PRAMEF11: variants seen among roughly 807,000 people sequenced by gnomAD.
The protein encoded by PRAMEF11 is PRAME family member 11.
A neutral mutation model predicts 33.6 loss-of-function variants in PRAMEF11; 17 were observed. The observed-to-expected ratio is 0.51, with a 90% CI of 0.35 to 0.76. The LOEUF is 0.76. PRAMEF11 is among the 30% of genes least tolerant of loss of function. PRAMEF11 has a pLI of 0.01. For missense variants in PRAMEF11, 568 were observed against 567.0 expected, an observed-to-expected ratio of 1.00 and a Z score of -0.02; for synonymous variants, 205 against 227.3, an observed-to-expected ratio of 0.90 and a Z score of 0.88.
rs553779461 is a variant in PRAMEF11, at chr1:12,828,746, G to C, written c.44C>G (p.Ala15Gly). The change falls in exon 2 of 4, where the codon GCG (alanine) becomes GGG (glycine). Residue 15 changes from alanine to glycine, a missense_variant. Ala to Gly is a moderately conservative substitution (Grantham distance 60). This residue lies in a region of PRAMEF11 where 342 missense variants were observed against 312.0 expected (regional missense o/e 1.10). Transcript: ENST00000619922. ...IRIPPRLLEL[A>G]GRSLLRDQAL... Reference sequence around the variant, plus strand: ...TTGGTCCCTCAGCAGGCTCCGCCCCGCAAGCTCCAGGAGTCTGGGTGGAAT... The same window carrying C: ...TTGGTCCCTCAGCAGGCTCCGCCCCCCAAGCTCCAGGAGTCTGGGTGGAAT... 3 of 1,604,606 alleles carry C rather than the reference G, an allele frequency of 1.9e-6. No homozygotes were observed. Among genetic ancestry groups the C allele is most frequent in the Non-Finnish European group, 2.6e-6 (3 of 1,175,000 alleles).
At chr1:12,826,522 G>A (rs1284351334) in intron 3 of PRAMEF11, among the ~76,000 whole-genome samples, 1 of 151,198 alleles carries the variant, frequency 6.6e-6, no homozygotes, top group Non-Finnish European at 1.5e-5. Flanking sequence ...AGCACTTTGG[G>A]AGTCCAAGGT....
Position 12,827,242 on chromosome 1 carries a change from C to T in PRAMEF11, c.875+7G>A, listed in dbSNP as rs557357619. ...GTCTGCAGAGAAAGCTCACCACCCT[C>T]CCTCACCTGAGCAGCTGGTCCAGGT... On this transcript the variant is annotated splice_region_variant and intron_variant, in intron 3 of 3. Coordinates refer to ENST00000619922, the MANE Select transcript of PRAMEF11 (RefSeq NM_001146344.3). 25 of 1,593,492 alleles carry T rather than the reference C, an allele frequency of 1.6e-5. No individual in the cohort carries two copies. The highest frequency in any genetic ancestry group is 4.5e-5 in the East Asian group (2 of 44,550).
Position 12,828,666 on chromosome 1 carries a change from A to C in PRAMEF11, c.124T>G (p.Phe42Val). 1.2e-6 allele frequency: 2 copies of C among 1,608,368 alleles called. No homozygotes were observed. The highest frequency in any genetic ancestry group is 1.7e-6 in the Non-Finnish European group (2 of 1,176,856). ...CGTCTCCTGCTGAAGGCCTCCATGA[A>C]CAGTGGGGGGAAAAGTTCCGTGGGC... ...ELPTELFPPL[F>V]MEAFSRRRCE... Residue 42 changes from phenylalanine to valine, a missense_variant, in exon 2 of 4, where the codon TTC (phenylalanine) becomes GTC (valine). Transcript: ENST00000619922.
At chr1:12,828,354 C>T (rs999452254) in intron 2 of PRAMEF11, 143 bp downstream of exon 2, 3 of 1,409,458 alleles carry the variant, frequency 2.1e-6, no homozygotes, top group African/African-American at 3.0e-5. Context: ...GCAGTGCTTT[C>T]CCTGAGGAGC....
chr1:12,828,366 G>A (rs1355907135), intron 2 of PRAMEF11, 131 bp downstream of exon 2: 2 of 1,418,666 alleles, frequency 1.4e-6, no homozygotes, highest in African/African-American at 1.5e-5. Flanking sequence ...CTGAGGAGCT[G>A]GTGAATGGCC....
chr1:12,829,050 T>C (rs1405856581), intron 1 of PRAMEF11, among the ~76,000 whole-genome samples: 4 of 151,516 alleles, frequency 2.6e-5, no homozygotes, highest in Non-Finnish European at 5.9e-5. Flanking sequence ...CAGTGCTCCA[T>C]CCAGTGACTA....
Position 12,824,815 on chromosome 1 carries a change from C to G in PRAMEF11, c.*127G>C. On this transcript the variant is annotated 3_prime_UTR_variant, in exon 4 of 4. Transcript: ENST00000619922. ...CCCTGCTTGATCAGCTTTCCTTTCC[C>G]ACTTTCAGAGCCCATGTGTGAAACG... The G allele has an allele frequency of 7.0e-7, 1 of 1,429,214 alleles. No individual in the cohort carries two copies. Among genetic ancestry groups the G allele is most frequent in the Non-Finnish European group, 9.5e-7 (1 of 1,048,494 alleles). The allele number at this position is 1,429,214 out of a possible 1,614,324, so 88.5% of individuals were successfully genotyped here. A position where few individuals can be genotyped will look rare whatever the true frequency, so the allele number is the denominator to read the frequency against.
rs1639833354 is a variant in PRAMEF11, at chr1:12,825,226, A to C, written c.1153T>G (p.Phe385Val). 1 of 1,607,172 alleles carries C rather than the reference A, an allele frequency of 6.2e-7. No homozygotes were observed. Among genetic ancestry groups the C allele is most frequent in the Non-Finnish European group, 8.5e-7 (1 of 1,177,488 alleles). ...CAGATGGGATTTCCACAGAAGCTGA[A>C]GGTGTTGAGCTCAAAGCAGCGGCTC... Reference protein sequence around the residue: ...ALSRCFELNTFSFCGNPICMA... With the variant: ...ALSRCFELNTVSFCGNPICMA... Residue 385 changes from phenylalanine (F) to valine (V), a missense_variant, in exon 4 of 4, where the codon TTC (phenylalanine) becomes GTC (valine). Transcript: ENST00000619922.
At chr1:12,829,858 C>G (rs1028482010) in intron 1 of PRAMEF11, among the ~76,000 whole-genome samples, 3 of 151,198 alleles carry the variant, frequency 2.0e-5, no homozygotes, top group Admixed American at 1.3e-4. Flanking sequence ...GGGAAATAGG[C>G]TAGATTGAAC....
rs1639826304 is a variant in PRAMEF11 at position 12,825,049 on chromosome 1, C to G, written c.1330G>C (p.Val444Leu). ...CTCTTGGGGTGCCTTAAGTGCCTCA[C>G]TTTCTTCATCAGCTCAGCCCTAATT... ...AQIRAELMKK[V>L]RHLRHPKRIL... Residue 444 changes from valine (V) to leucine (L), a missense_variant, in exon 4 of 4, where the codon GTG (valine) becomes CTG (leucine). By Grantham distance (32) the Val-to-Leu change is conservative. This residue lies in a region of PRAMEF11 where 174 missense variants were observed against 127.2 expected (regional missense o/e 1.37). Coordinates refer to ENST00000619922, the MANE Select transcript of PRAMEF11 (RefSeq NM_001146344.3). 1 of 1,609,816 alleles carries G rather than the reference C, an allele frequency of 6.2e-7. No individual in the cohort carries two copies. The highest frequency in any genetic ancestry group is 1.1e-5 in the South Asian group (1 of 90,484).
chr1:12,825,970 T>A (rs61777002), intron 3 of PRAMEF11, among the ~76,000 whole-genome samples: 1 of 123,252 alleles, frequency 8.1e-6, no homozygotes, highest in Admixed American at 8.1e-5. Flanking sequence ...TGATACTCTA[T>A]TAAAAAAAAA....
Position 12,824,861 on chromosome 1 carries a change from A to G in PRAMEF11, c.*81T>C. 6.4e-7 allele frequency: 1 copy of G among 1,565,430 alleles called. No homozygotes were observed. The highest frequency in any genetic ancestry group is 8.7e-7 in the Non-Finnish European group (1 of 1,146,508). On this transcript the variant is annotated 3_prime_UTR_variant, in exon 4 of 4. Transcript: ENST00000619922. The stretch of plus-strand genomic sequence containing the variant: ...AAACGATGGGTTCTGTGCTCCCTTT[A>G]GGATGTACCTAAGACCTAGGTTTTA...
rs992799151 is a variant in PRAMEF11, at chr1:12,828,159, T to C, written c.294-329A>G. Among the ~76,000 whole-genome samples, 39 of 148,620 alleles carry C rather than the reference T, an allele frequency of 2.6e-4. 1 individual carries two copies. Among genetic ancestry groups the C allele is most frequent in the Admixed American group, 5.4e-4 (8 of 14,752 alleles). ...CACCACCATGCCCAGCTAATTTTAG[T>C]ATTTTTAGTAGAGTTGGGGTTTACC... On this transcript the variant is annotated intron_variant, in intron 2 of 3. Transcript: ENST00000619922.
Position 12,824,663 on chromosome 1 carries a change from G to A in PRAMEF11, c.*279C>T. 3 of 451,262 alleles carry A rather than the reference G, an allele frequency of 6.6e-6. No individual in the cohort carries two copies. Among genetic ancestry groups the A allele is most frequent in the Non-Finnish European group, 1.2e-5 (3 of 250,042 alleles). 28.0% of individuals were successfully genotyped at this position (451,262 alleles called of 1,614,324 possible). A position where few individuals can be genotyped will look rare whatever the true frequency, so the allele number is the denominator to read the frequency against. ...TTTCTTTACAACCATCCATGCAAGA[G>A]TAACTCCCTCATGTATTCTCAAGCC... On this transcript the variant is annotated 3_prime_UTR_variant, in exon 4 of 4. Coordinates refer to ENST00000619922, the MANE Select transcript of PRAMEF11 (RefSeq NM_001146344.3).
In PRAMEF11 at chr1:12,826,183, A is replaced by G. The variant is rs4989856; in HGVS notation, c.876-680T>C. 3.2e-3 allele frequency among the ~76,000 whole-genome samples: 473 copies of G among 147,146 alleles called. 7 individuals are homozygous for G. Among genetic ancestry groups the G allele is most frequent in the Middle Eastern group, 6.9e-3 (2 of 288 alleles). ...TCCTGCAACATCAGCTGGGGTGGGCAGGCTGCAGGCGTCCCTGACACACCT... is the reference window on the plus strand; with the variant it reads ...TCCTGCAACATCAGCTGGGGTGGGCGGGCTGCAGGCGTCCCTGACACACCT... On this transcript the variant is annotated intron_variant, in intron 3 of 3. Transcript: ENST00000619922.
At position 12,825,044 on chromosome 1, in the gene PRAMEF11, C is replaced by A. The variant is rs1398067073; in HGVS notation, c.1335G>T (p.Arg445Ser). ...QIRAELMKKV[R>S]HLRHPKRILF... The stretch of plus-strand genomic sequence containing the variant: ...AGATCCTCTTGGGGTGCCTTAAGTG[C>A]CTCACTTTCTTCATCAGCTCAGCCC... Residue 445 changes from arginine (R) to serine (S), a missense_variant, in exon 4 of 4, where the codon AGG (arginine) becomes AGT (serine). Coordinates refer to ENST00000619922, the MANE Select transcript of PRAMEF11 (RefSeq NM_001146344.3). The A allele has an allele frequency of 6.2e-7, 1 of 1,609,756 alleles. No homozygotes were observed. Among genetic ancestry groups the A allele is most frequent in the Admixed American group, 1.7e-5 (1 of 59,626 alleles).
At chr1:12,828,435 C>T (rs1436685090) in intron 2 of PRAMEF11, 62 bp downstream of exon 2, 1 of 1,535,968 alleles carries the variant, frequency 6.5e-7, no homozygotes, top group African/African-American at 1.4e-5. Context: ...CTTCACATGA[C>T]CCAGCTGTTC....
chr1:12,831,047 C>T (rs1284809455), intron 1 of PRAMEF11, among the ~76,000 whole-genome samples: 2 of 149,902 alleles, frequency 1.3e-5, no homozygotes, highest in African/African-American at 4.9e-5. Context: ...GTCATGTTGC[C>T]CAGGTTGGTC....
intron 3 of PRAMEF11, among the ~76,000 whole-genome samples, chr1:12,825,988 GA>G (rs1196297234): frequency 2.0e-5 from 3 of 148,388 alleles, no homozygotes; most frequent in Non-Finnish European, 3.0e-5. Context: ...AAAAAAAGGA[GA>G]AAAAATAATT....
Sources: allele counts gnomAD v4.1 joint callset (sites outside exome capture counted in the v4.1 genomes callset), GRCh38; gene constraint gnomAD v4.1.1; regional missense constraint gnomAD v4.1.1; transcripts MANE v1.5; gene names NCBI Gene and HGNC (gene_info 2026-07-23, HGNC 2026-07-21).